Variants in UNC5C observed in about 807,000 individuals in gnomAD.
UNC5C encodes netrin receptor UNC5C.
UNC5C carries 47 observed loss-of-function variants against 99.8 expected under a neutral mutation model. That is an observed-to-expected ratio of 0.47 (90% CI 0.37 to 0.60). UNC5C has a LOEUF of 0.60. Ranked by LOEUF, UNC5C falls within the 20% of genes least tolerant of loss-of-function variation. UNC5C has a pLI of 0.00. For synonymous variants in UNC5C, 487 were observed against 452.2 expected (o/e 1.08, Z -0.98); for missense variants, 1,062 against 1,165.9 (o/e 0.91, Z 1.30).
chr4:95,346,441 ATTACCCT>A (rs1400643006), intron 1 of UNC5C, among the ~76,000 whole-genome samples: 5 of 152,040 alleles, frequency 3.3e-5, no homozygotes, highest in African/African-American at 1.2e-4. Context: ...TCAGGTGAGT[ATTACCCT>A]TATACCCAAA....
intron 1 of UNC5C, among the ~76,000 whole-genome samples, chr4:95,377,679 T>G (rs1169570712): frequency 6.6e-6 from 1 of 152,044 alleles, no homozygotes; most frequent in Admixed American, 6.6e-5. Flanking sequence ...CTCTAAGTCA[T>G]CTTAGCCCCA....
intron 1 of UNC5C, among the ~76,000 whole-genome samples, chr4:95,430,854 A>G (rs1746616992): frequency 6.6e-6 from 1 of 152,072 alleles, no homozygotes; most frequent in Non-Finnish European, 1.5e-5. Flanking sequence ...GGTGAGCTCC[A>G]CAGCTTACAG....
In UNC5C at chr4:95,228,480, C is replaced by T. The variant is rs148536573; in HGVS notation, c.1109-8304G>A. Among the ~76,000 whole-genome samples the T allele has an allele frequency of 3.9e-3, 587 of 152,238 alleles. 2 individuals carry two copies. The highest frequency in any genetic ancestry group is 0.013 in the African/African-American group (559 of 41,526). Reference sequence around the variant, plus strand: ...TCTATGTTCTCACAAACTTGCAAACCCCCAGGATGTTGGAGTGAAAATAGA... The same window carrying T: ...TCTATGTTCTCACAAACTTGCAAACTCCCAGGATGTTGGAGTGAAAATAGA... On this transcript the variant is annotated intron_variant, in intron 7 of 15. Transcript: ENST00000453304.
intron 1 of UNC5C, among the ~76,000 whole-genome samples, chr4:95,548,213 C>CA (rs1184743470): frequency 6.6e-6 from 1 of 152,118 alleles, no homozygotes; most frequent in Non-Finnish European, 1.5e-5. Context: ...GAGTCCTTGA[C>CA]AGTAATGGAC....
At chr4:95,497,141 C>A (rs757691281) in intron 1 of UNC5C, among the ~76,000 whole-genome samples, 1 of 151,788 alleles carries the variant, frequency 6.6e-6, no homozygotes, top group Non-Finnish European at 1.5e-5. Context: ...TATAAACATG[C>A]GTGTGCATGT....
At chr4:95,339,977 T>A (rs1743501680) in intron 1 of UNC5C, among the ~76,000 whole-genome samples, 2 of 152,146 alleles carry the variant, frequency 1.3e-5, no homozygotes, top group African/African-American at 4.8e-5. Context: ...ATACTGACAT[T>A]CCAACAGTAG....
chr4:95,526,790 A>G (rs989361699), intron 1 of UNC5C, among the ~76,000 whole-genome samples: 2 of 148,866 alleles, frequency 1.3e-5, no homozygotes, highest in Non-Finnish European at 3.0e-5. Flanking sequence ...CTGTATTTCT[A>G]TGAAACTACT....
At chr4:95,399,736 CA>C (rs1402181018) in intron 1 of UNC5C, among the ~76,000 whole-genome samples, 1 of 152,180 alleles carries the variant, frequency 6.6e-6, no homozygotes, top group Non-Finnish European at 1.5e-5. Flanking sequence ...CCCTGATCAC[CA>C]ACTTCAAAGT....
intron 1 of UNC5C, among the ~76,000 whole-genome samples, chr4:95,447,917 G>T (rs1431134813): frequency 2.6e-5 from 4 of 152,150 alleles, no homozygotes; most frequent in African/African-American, 9.7e-5. Flanking sequence ...TATTCTTTCA[G>T]GAAGAAGCGG....
intron 1 of UNC5C, among the ~76,000 whole-genome samples, chr4:95,431,103 C>T (rs1192349099): frequency 6.6e-6 from 1 of 152,088 alleles, no homozygotes; most frequent in Non-Finnish European, 1.5e-5. Context: ...TTCACCCTCT[C>T]ATACCCCATG....
chr4:95,369,614 A>C (rs1451463227), intron 1 of UNC5C, among the ~76,000 whole-genome samples: 1 of 152,150 alleles, frequency 6.6e-6, no homozygotes, highest in Non-Finnish European at 1.5e-5. Context: ...TTTCTTAATA[A>C]CTGCATCCAG....
intron 14 of UNC5C, among the ~76,000 whole-genome samples, chr4:95,172,529 A>T (rs7693146): frequency 0.57 from 85,916 of 151,510 alleles, 24,622 homozygotes; most frequent in Middle Eastern, 0.69. Context: ...TTCTCAGGTT[A>T]GTCAAAGATC....
Position 95,471,667 on chromosome 4 carries a change from G to A in UNC5C, c.124+77067C>T, listed in dbSNP as rs143272346. Among the ~76,000 whole-genome samples, 59 of 152,122 alleles carry A rather than the reference G, an allele frequency of 3.9e-4. No individual in the cohort carries two copies. The East Asian group carries it at 9.3e-3, about 24-fold the overall frequency. On this transcript the variant is annotated intron_variant, in intron 1 of 15. Coordinates refer to ENST00000453304, the MANE Select transcript of UNC5C (RefSeq NM_003728.4). ...ACAGTTTGCTTTTCTATATTTTTAC[G>A]TCAAATTTCCTTTCATGCATAGGCA... is the stretch of plus-strand genomic sequence containing the variant.
intron 1 of UNC5C, among the ~76,000 whole-genome samples, chr4:95,409,235 G>A (rs1043092234): frequency 3.3e-5 from 5 of 152,102 alleles, no homozygotes; most frequent in Admixed American, 6.6e-5. Context: ...AAGACTCAAA[G>A]GAGGTAAATG....
intron 3 of UNC5C, among the ~76,000 whole-genome samples, chr4:95,279,337 T>C (rs1740970790): frequency 6.6e-6 from 1 of 152,158 alleles, no homozygotes; most frequent in Non-Finnish European, 1.5e-5. Context: ...TTTATATAGA[T>C]ATAGTTGATA....
At chr4:95,361,528 T>C (rs1054561877) in intron 1 of UNC5C, among the ~76,000 whole-genome samples, 2 of 152,188 alleles carry the variant, frequency 1.3e-5, no homozygotes, top group African/African-American at 4.8e-5. Flanking sequence ...GCAGCATTTA[T>C]GAAAGTGTCT....
chr4:95,252,445 G>T (rs1049075198), intron 4 of UNC5C, among the ~76,000 whole-genome samples: 2 of 152,098 alleles, frequency 1.3e-5, no homozygotes, highest in Non-Finnish European at 2.9e-5. Flanking sequence ...CAGCCCTCAG[G>T]CTCACGGATT....
At position 95,548,819 on chromosome 4, in the gene UNC5C, T is replaced by C. The variant is rs1370285295; in HGVS notation, c.39A>G (p.Gly13=). The C allele has an allele frequency of 6.2e-7, 1 of 1,612,866 alleles. No homozygotes were observed. The highest frequency in any genetic ancestry group is 8.5e-7 in the Non-Finnish European group (1 of 1,179,770). Residue 13 remains glycine (G), a synonymous_variant, in exon 1 of 16, where the codon GGA becomes GGG. Coordinates refer to ENST00000453304, the MANE Select transcript of UNC5C (RefSeq NM_003728.4). The stretch of plus-strand genomic sequence containing the variant: ...TTTGCAGCAAGTATCCCAGTCCCAG[T>C]CCGCAGCGGGCCGCTGTCGCCCGCA... ...KGLRATAARC[G]LGLGYLLQML...
intron 1 of UNC5C, among the ~76,000 whole-genome samples, chr4:95,478,038 A>C (rs997787184): frequency 5.3e-5 from 8 of 152,002 alleles, no homozygotes; most frequent in African/African-American, 9.7e-5. Flanking sequence ...AATGTTATGA[A>C]TATTGTTATT....
Sources: gnomAD v4.1 joint callset for allele counts (sites outside exome capture counted in the v4.1 genomes callset) on GRCh38, gnomAD v4.1.1 for gene constraint, MANE v1.5 for transcripts, NCBI Gene and HGNC (gene_info 2026-07-23, HGNC 2026-07-21) for gene names.